Variants in PHTF1 observed in about 807,000 individuals in gnomAD.
PHTF1 encodes protein PHTF1.
PHTF1 carries 88 observed loss-of-function variants against 102.4 expected under a neutral mutation model. That is an observed-to-expected ratio of 0.86 (90% CI 0.72 to 1.03). The LOEUF (loss-of-function observed/expected upper bound fraction) is 1.03. Ranked by LOEUF, PHTF1 falls within the 50% of genes least tolerant of loss-of-function variation. PHTF1 has a pLI of 0.00. For missense variants in PHTF1, 814 were observed against 909.5 expected (o/e 0.89, Z 1.35); for synonymous variants, 289 against 305.2 (o/e 0.95, Z 0.55).
At chr1:113,710,201 C>T (rs1232768904) in intron 11 of PHTF1, 53 bp downstream of exon 11, 2 of 1,290,912 alleles carry the variant, frequency 1.5e-6, no homozygotes, top group East Asian at 4.7e-5. Context: ...GAGTGCCTGA[C>T]ACACAGTAAG....
chr1:113,718,498 T>C (rs1652419069), intron 7 of PHTF1, among the ~76,000 whole-genome samples: 1 of 152,250 alleles, frequency 6.6e-6, no homozygotes, highest in South Asian at 2.1e-4. Context: ...AGGGACGCTG[T>C]GTGGGGGCTC....
intron 8 of PHTF1, 76 bp downstream of exon 8, chr1:113,713,203 A>G (rs1651418234): frequency 2.3e-6 from 3 of 1,314,482 alleles, no homozygotes; most frequent in South Asian, 1.2e-5. Flanking sequence ...TACCTATTTT[A>G]TATCTCTAAC....
chr1:113,755,933 G>A (rs1047448317), intron 3 of PHTF1, among the ~76,000 whole-genome samples: 1 of 151,928 alleles, frequency 6.6e-6, no homozygotes, highest in Admixed American at 6.6e-5. Context: ...TGGGCATGGT[G>A]GCGGGCCCCT....
chr1:113,729,725 C>T (rs1654364361), intron 5 of PHTF1, among the ~76,000 whole-genome samples: 1 of 152,040 alleles, frequency 6.6e-6, no homozygotes, highest in African/African-American at 2.4e-5. Context: ...GCTGGTCACA[C>T]CAAAAAGACC....
intron 14 of PHTF1, 71 bp from the exon 15 acceptor site, chr1:113,704,238 C>A: frequency 1.2e-6 from 1 of 821,434 alleles, no homozygotes; most frequent in Non-Finnish European, 2.0e-6. Context: ...ATTATTAACA[C>A]TCTGAATTGT....
intron 3 of PHTF1, among the ~76,000 whole-genome samples, chr1:113,748,498 T>G (rs1487767808): frequency 1.3e-5 from 2 of 152,118 alleles, no homozygotes; most frequent in Admixed American, 6.6e-5. Flanking sequence ...AAATTTATCT[T>G]CTAACTTTTC....
chr1:113,712,525 A>T (rs1651288114), intron 8 of PHTF1, among the ~76,000 whole-genome samples: 2 of 152,246 alleles, frequency 1.3e-5, no homozygotes, highest in South Asian at 4.1e-4. Flanking sequence ...AGTACTCAGA[A>T]CAATGCCTGG....
rs1279741324 is a variant in PHTF1, at chr1:113,710,471, G to C, written c.1052C>G (p.Ser351Cys). 1 of 1,612,890 alleles carries C rather than the reference G, an allele frequency of 6.2e-7. No homozygotes were observed. The highest frequency in any genetic ancestry group is 1.1e-5 in the South Asian group (1 of 91,054). Residue 351 changes from serine (S) to cysteine (C), a missense_variant, in exon 11 of 19, where the codon TCT (serine) becomes TGT (cysteine). Transcript: ENST00000369604. ...EFESAAFSQGSRSGVSGGSRS... is the reference protein window; with the variant it reads ...EFESAAFSQGCRSGVSGGSRS... ...AGAGCCACCACTCACACCCGATCTA[G>C]AGCCCTTTAAAGGAAAACAAAAAGC...
In PHTF1 at chr1:113,699,819, T is replaced by C; in HGVS notation, c.2047-20A>G. On this transcript the variant is annotated intron_variant, in intron 16 of 18. Coordinates refer to ENST00000369604, the MANE Select transcript of PHTF1 (RefSeq NM_001323043.2). ...ATTAATCTAAGGGAAGGAATAGAAA[T>C]TAAGGTAAATTTCTTGGAAAAAAAT... The C allele has an allele frequency of 1.1e-6, 1 of 940,672 alleles. No homozygotes were observed. Among genetic ancestry groups the C allele is most frequent in the Non-Finnish European group, 1.6e-6 (1 of 612,044 alleles). 58.3% of individuals were successfully genotyped at this position (940,672 alleles called of 1,614,324 possible). A position where few individuals can be genotyped will look rare whatever the true frequency, so the allele number is the denominator to read the frequency against.
intron 7 of PHTF1, among the ~76,000 whole-genome samples, chr1:113,723,108 TAAA>T (rs1482762753): frequency 6.6e-6 from 1 of 151,212 alleles, no homozygotes; most frequent in Non-Finnish European, 1.5e-5. Flanking sequence ...GGTAGTGGCA[TAAA>T]AACACATCGG....
rs1423794292 is a variant in PHTF1, at chr1:113,698,380, T to C, written c.2150A>G (p.Asp717Gly). The C allele has an allele frequency of 1.2e-6, 2 of 1,610,596 alleles. No individual in the cohort carries two copies. The highest frequency in any genetic ancestry group is 2.2e-5 in the South Asian group (2 of 90,682). The change falls in exon 18 of 19, where the codon GAC becomes GGC. Residue 717 changes from aspartate to glycine, a missense_variant. Asp to Gly is a moderately conservative substitution (Grantham distance 94). Transcript: ENST00000369604. ...CAGTCCATAGAGTCTAAATGGTGTG[T>C]CCAGCTCCTACAAAAAACATCAAAG... is the stretch of plus-strand genomic sequence containing the variant. Reference protein sequence around the residue: ...KLSTKLLKELDTPFRLYGLTM... With the variant: ...KLSTKLLKELGTPFRLYGLTM...
At chr1:113,722,606 A>G (rs888874559) in intron 7 of PHTF1, among the ~76,000 whole-genome samples, 1 of 151,980 alleles carries the variant, frequency 6.6e-6, no homozygotes, top group African/African-American at 2.4e-5. Flanking sequence ...AATAGAAAAA[A>G]CAATCCTAAA....
chr1:113,700,734 C>T lies in PHTF1; in HGVS notation c.2046+60G>A, dbSNP rs985593923. On this transcript the variant is annotated intron_variant, in intron 16 of 18. Coordinates refer to ENST00000369604, the MANE Select transcript of PHTF1 (RefSeq NM_001323043.2). ...TTAAACCCTGAATCCTCTGCAGGAA[C>T]CTTACAGCGTATTACGCTACCCCTA... 8 of 1,482,048 alleles carry T rather than the reference C, an allele frequency of 5.4e-6. No homozygotes were observed. The African/African-American group carries it at 8.4e-5, about 16-fold the overall frequency. The allele number at this position is 1,482,048 out of a possible 1,614,324, so 91.8% of individuals were successfully genotyped here. A position where few individuals can be genotyped will look rare whatever the true frequency, so the allele number is the denominator to read the frequency against.
In PHTF1 at chr1:113,724,774, G is replaced by A. The variant is rs1009965862; in HGVS notation, c.608C>T (p.Thr203Ile). Residue 203 changes from threonine (T) to isoleucine (I), a missense_variant, in exon 7 of 19, where the codon ACT becomes ATT. Physicochemically the swap from Thr to Ile is moderately conservative, Grantham distance 89. Transcript: ENST00000369604. ...AGACTCCCACCTGTTGCCAAAGATA[G>A]TCTCCCAAAAACCACCAATAATGGG... is the stretch of plus-strand genomic sequence containing the variant. ...SVPIIGGFWETIFGNRIKRVK... is the reference protein window; with the variant it reads ...SVPIIGGFWEIIFGNRIKRVK... 7 of 1,598,296 alleles carry A rather than the reference G, an allele frequency of 4.4e-6. No individual in the cohort carries two copies. The highest frequency in any genetic ancestry group is 3.6e-5 in the Admixed American group (2 of 55,724).
intron 13 of PHTF1, 81 bp from the exon 14 acceptor site, chr1:113,704,878 A>C: frequency 1.1e-6 from 1 of 944,078 alleles, no homozygotes; most frequent in East Asian, 2.5e-5. Context: ...ATATTCCCAG[A>C]ATACAAAAAT....
At chr1:113,726,683 CAAAT>C (rs1300932819) in intron 5 of PHTF1, 109 bp from the exon 6 acceptor site, 3 of 723,002 alleles carry the variant, frequency 4.1e-6, no homozygotes, top group Non-Finnish European at 4.2e-6. Flanking sequence ...AAAAAGTACA[CAAAT>C]AAATAGTTTC....
chr1:113,704,220 G>A (rs571041623), intron 14 of PHTF1, 53 bp from the exon 15 acceptor site: 240 of 1,032,722 alleles, frequency 2.3e-4, no homozygotes, highest in South Asian at 1.0e-3. Flanking sequence ...GACAGCAACC[G>A]CCCTCACATT....
chr1:113,726,916 C>T (rs1653934005), intron 5 of PHTF1, among the ~76,000 whole-genome samples: 1 of 152,174 alleles, frequency 6.6e-6, no homozygotes, highest in Admixed American at 6.5e-5. Flanking sequence ...TCCAAGGCTA[C>T]ACAGAAAGCA....
chr1:113,697,987 C>T (rs1648975161), intron 18 of PHTF1, among the ~76,000 whole-genome samples: 1 of 152,216 alleles, frequency 6.6e-6, no homozygotes, highest in Non-Finnish European at 1.5e-5. Flanking sequence ...CATTACCCAG[C>T]TCAGGCTATT....
Sources: allele counts gnomAD v4.1 joint callset (sites outside exome capture counted in the v4.1 genomes callset), GRCh38; gene constraint gnomAD v4.1.1; transcripts MANE v1.5; gene names NCBI Gene and HGNC (gene_info 2026-07-23, HGNC 2026-07-21).